Variants in ZDHHC18 observed in about 807,000 individuals in gnomAD.
The protein encoded by ZDHHC18 is zDHHC palmitoyltransferase 18.
In ZDHHC18, 23 loss-of-function variants were observed where a neutral mutation model predicts 37.5. The observed-to-expected ratio is 0.61, with a 90% CI of 0.44 to 0.87. The LOEUF is 0.87. Among genes scored for constraint, ZDHHC18 ranks in the 40% least tolerant of loss-of-function variants. ZDHHC18 has a pLI of 0.00. For missense variants in ZDHHC18, 406 were observed against 525.6 expected (o/e 0.77, Z 2.22); for synonymous variants, 185 against 218.7 (o/e 0.85, Z 1.36).
Position 26,851,185 on chromosome 1 carries a change from G to A in ZDHHC18, c.890G>A (p.Gly297Glu). ...ATCTGGTCCATTCTGGGCCTCTCAGGGTTTCACACGTACCTCGTCGCCTCC... is the reference window on the plus strand; with the variant it reads ...ATCTGGTCCATTCTGGGCCTCTCAGAGTTTCACACGTACCTCGTCGCCTCC... ...FSIWSILGLS[G>E]FHTYLVASNL... The change falls in exon 6 of 8, where the codon GGG becomes GAG. Residue 297 changes from glycine to glutamate, a missense_variant. Transcript: ENST00000374142. 1 of 1,614,182 alleles carries A rather than the reference G, an allele frequency of 6.2e-7. No individual in the cohort carries two copies. The highest frequency in any genetic ancestry group is 8.5e-7 in the Non-Finnish European group (1 of 1,180,028).
chr1:26,846,613 G>A (rs1219657761), intron 2 of ZDHHC18, among the ~76,000 whole-genome samples: 2 of 151,012 alleles, frequency 1.3e-5, no homozygotes, highest in Admixed American at 6.6e-5. Context: ...GAGCCACCAT[G>A]CCCAGCCTTA....
chr1:26,853,787 G>T lies in ZDHHC18; in HGVS notation c.1111G>T (p.Asp371Tyr). 6.2e-7 allele frequency: 1 copy of T among 1,614,062 alleles called. No homozygotes were observed. The highest frequency in any genetic ancestry group is 8.5e-7 in the Non-Finnish European group (1 of 1,180,022). Residue 371 changes from aspartate (D) to tyrosine (Y), a missense_variant, in exon 8 of 8, where the codon GAT becomes TAT. Transcript: ENST00000374142. ...DTVLPSPIRS[D>Y]EPACRAKPDA... is the part of the protein sequence containing the mutation. ...CGTGTTGCCCTCACCCATCAGAAGC[G>T]ATGAGCCAGCCTGCAGAGCCAAGCC...
intron 6 of ZDHHC18, among the ~76,000 whole-genome samples, chr1:26,852,397 C>T (rs1038403824): frequency 6.6e-5 from 10 of 152,216 alleles, no homozygotes; most frequent in African/African-American, 2.4e-4. Flanking sequence ...GGTGATCTGT[C>T]CAGGTAACGT....
intron 1 of ZDHHC18, among the ~76,000 whole-genome samples, chr1:26,828,432 T>C (rs2081569030): frequency 6.6e-6 from 1 of 152,006 alleles, no homozygotes; most frequent in Non-Finnish European, 1.5e-5. Flanking sequence ...CGTAAGGTTG[T>C]CCTGAGGGTG....
In ZDHHC18 at chr1:26,826,705, G is replaced by C. The variant is rs999056959; in HGVS notation, c.-100G>C. On this transcript the variant is annotated 5_prime_UTR_variant, in exon 1 of 8. Coordinates refer to ENST00000374142, the MANE Select transcript of ZDHHC18 (RefSeq NM_032283.3). This position sits in a 1 kb window ranked among gnomAD's most constrained non-coding sequence, Gnocchi z 5.2. ...GCCGCCCCAGTGAGTGAGCGAGCGA[G>C]CGCCGCGCGCGCCGCCGCTGCCACC... 2.1e-6 allele frequency: 1 copy of C among 483,098 alleles called. No individual in the cohort carries two copies. Among genetic ancestry groups the C allele is most frequent in the Admixed American group, 6.6e-5 (1 of 15,122 alleles). 29.9% of individuals were successfully genotyped at this position (483,098 alleles called of 1,614,324 possible). A position where few individuals can be genotyped will look rare whatever the true frequency, so the allele number is the denominator to read the frequency against.
intron 1 of ZDHHC18, chr1:26,832,203 T>C: frequency 1.9e-6 from 1 of 515,186 alleles, no homozygotes; most frequent in Non-Finnish European, 3.5e-6. Context: ...TGGGATCTAT[T>C]GGACACATCT....
chr1:26,834,405 T>C (rs1038537745), intron 2 of ZDHHC18, among the ~76,000 whole-genome samples: 1 of 151,874 alleles, frequency 6.6e-6, no homozygotes, highest in African/African-American at 2.4e-5. Context: ...AGAGACAGAG[T>C]GTGTGCCTTT....
In ZDHHC18 at chr1:26,853,863, A is replaced by C. The variant is rs1570677674; in HGVS notation, c.*20A>C. 1.9e-6 allele frequency: 3 copies of C among 1,608,766 alleles called. No homozygotes were observed. The highest frequency in any genetic ancestry group is 2.5e-6 in the Non-Finnish European group (3 of 1,177,022). On this transcript the variant is annotated 3_prime_UTR_variant, in exon 8 of 8. Coordinates refer to ENST00000374142, the MANE Select transcript of ZDHHC18 (RefSeq NM_032283.3). ...CCCTGACCACGGCTCAGTACTTGCC[A>C]CCTGCTGGCCTGTCTGACCCTCCGC...
Position 26,854,459 on chromosome 1 carries a change from A to C in ZDHHC18, c.*616A>C, listed in dbSNP as rs1284316546. 6.5e-6 allele frequency: 1 copy of C among 152,682 alleles called. No homozygotes were observed. Among genetic ancestry groups the C allele is most frequent in the African/African-American group, 2.4e-5 (1 of 41,382 alleles). The allele number at this position is 152,682 out of a possible 1,614,324, so 9.5% of individuals were successfully genotyped here. ...TGGGTGGGGGCAGCCTGTATCAGAC[A>C]AAGGTAAATCAGCCAGCCAGGCACC... On this transcript the variant is annotated 3_prime_UTR_variant, in exon 8 of 8. Transcript: ENST00000374142. This position sits in a 1 kb window ranked among gnomAD's most constrained non-coding sequence, Gnocchi z 4.6.
At chr1:26,851,311 A>G (rs1436078453) in intron 6 of ZDHHC18, 80 bp downstream of exon 6, 6 of 1,363,402 alleles carry the variant, frequency 4.4e-6, no homozygotes, top group Non-Finnish European at 6.3e-6. Flanking sequence ...TGGGGCAGCC[A>G]AGCACAGTCC....
intron 2 of ZDHHC18, among the ~76,000 whole-genome samples, chr1:26,846,290 G>GTGTGTA (rs1176068068): frequency 6.3e-5 from 3 of 47,858 alleles, no homozygotes; most frequent in Non-Finnish European, 1.0e-4. Context: ...GTGTGTGTGT[G>GTGTGTA]TATATATATA....
rs1379985740 is a variant in ZDHHC18, at chr1:26,853,826, G to C, written c.1150G>C (p.Val384Leu). The change falls in exon 8 of 8, where the codon GTA (valine) becomes CTA (leucine). Residue 384 changes from valine to leucine, a missense_variant. By Grantham distance (32) the Val-to-Leu change is conservative. Transcript: ENST00000374142. ...ACRAKPDASM[V>L]GGHP The stretch of plus-strand genomic sequence containing the variant: ...CAGAGCCAAGCCTGATGCCAGCATG[G>C]TAGGAGGCCACCCCTGACCACGGCT... The C allele has an allele frequency of 6.2e-7, 1 of 1,613,672 alleles. No homozygotes were observed. Among genetic ancestry groups the C allele is most frequent in the African/African-American group, 1.3e-5 (1 of 74,912 alleles).
chr1:26,850,281 C>G lies in ZDHHC18; in HGVS notation c.647-20C>G. The stretch of plus-strand genomic sequence containing the variant: ...TGCAGGCCAGCCCACACTAACCCAT[C>G]GCCCCTTGCCCTTGTCCAGAACGAT... On this transcript the variant is annotated intron_variant, in intron 3 of 7. Transcript: ENST00000374142. The surrounding 1 kb of genome is among the most constrained non-coding windows in gnomAD (Gnocchi z 6.1). 6.2e-7 allele frequency: 1 copy of G among 1,612,770 alleles called. No homozygotes were observed. Among genetic ancestry groups the G allele is most frequent in the Non-Finnish European group, 8.5e-7 (1 of 1,179,464 alleles).
At position 26,848,601 on chromosome 1, in the gene ZDHHC18, C is replaced by G. The variant is rs1407904975; in HGVS notation, c.497-7C>G. On this transcript the variant is annotated splice_region_variant and splice_polypyrimidine_tract_variant and intron_variant, in intron 2 of 7. Coordinates refer to ENST00000374142, the MANE Select transcript of ZDHHC18 (RefSeq NM_032283.3). ...CATTCCCCATCTTTCTCTCCTCCTTCCCTCAGACAACACAGGCAGTTCTAC... is the reference window on the plus strand; with the variant it reads ...CATTCCCCATCTTTCTCTCCTCCTTGCCTCAGACAACACAGGCAGTTCTAC... 1 of 1,607,632 alleles carries G rather than the reference C, an allele frequency of 6.2e-7. No individual in the cohort carries two copies. Among genetic ancestry groups the G allele is most frequent in the Admixed American group, 1.7e-5 (1 of 59,910 alleles).
chr1:26,828,772 C>G (rs1386864413), intron 1 of ZDHHC18, among the ~76,000 whole-genome samples: 1 of 151,748 alleles, frequency 6.6e-6, no homozygotes, highest in Non-Finnish European at 1.5e-5. Context: ...GGGCCCAGAG[C>G]TCAGCTCTGG....
chr1:26,850,698 A>G lies in ZDHHC18; in HGVS notation c.833+92A>G. Reference sequence around the variant, plus strand: ...CCTCATCCTCTAATCAGAAGGGAACAGCGTACAGCTCACATGTGTCCTCCA... The same window carrying G: ...CCTCATCCTCTAATCAGAAGGGAACGGCGTACAGCTCACATGTGTCCTCCA... On this transcript the variant is annotated intron_variant, in intron 5 of 7. Coordinates refer to ENST00000374142, the MANE Select transcript of ZDHHC18 (RefSeq NM_032283.3). This position sits in a 1 kb window ranked among gnomAD's most constrained non-coding sequence, Gnocchi z 6.1. 3 of 1,409,610 alleles carry G rather than the reference A, an allele frequency of 2.1e-6. No individual in the cohort carries two copies. Among genetic ancestry groups the G allele is most frequent in the Non-Finnish European group, 3.0e-6 (3 of 1,009,636 alleles). The allele number at this position is 1,409,610 out of a possible 1,614,324, so 87.3% of individuals were successfully genotyped here.
At chr1:26,834,472 A>C (rs1229726166) in intron 2 of ZDHHC18, among the ~76,000 whole-genome samples, 1 of 152,128 alleles carries the variant, frequency 6.6e-6, no homozygotes, top group Non-Finnish European at 1.5e-5. Context: ...CATCTCCTTC[A>C]TCCTCTTCTC....
At chr1:26,841,946 C>T (rs773758384) in intron 2 of ZDHHC18, among the ~76,000 whole-genome samples, 2 of 151,958 alleles carry the variant, frequency 1.3e-5, no homozygotes, top group East Asian at 1.9e-4. Flanking sequence ...CCAGCCTGGC[C>T]AACATAGTGA....
In ZDHHC18 at chr1:26,850,248, G is replaced by C; in HGVS notation, c.647-53G>C. The C allele has an allele frequency of 6.3e-7, 1 of 1,595,156 alleles. No homozygotes were observed. The highest frequency in any genetic ancestry group is 1.1e-5 in the South Asian group (1 of 89,470). ...CCATGGGTGAGGCCGCCAAATGCCT[G>C]TGCTGGCTGCAGGCCAGCCCACACT... On this transcript the variant is annotated intron_variant, in intron 3 of 7. Coordinates refer to ENST00000374142, the MANE Select transcript of ZDHHC18 (RefSeq NM_032283.3). This position sits in a 1 kb window ranked among gnomAD's most constrained non-coding sequence, Gnocchi z 6.1.
Sources: gnomAD v4.1 joint callset for allele counts (sites outside exome capture counted in the v4.1 genomes callset) on GRCh38, gnomAD v4.1.1 for gene constraint, Gnocchi (gnomAD v3.1) non-coding constraint, MANE v1.5 for transcripts, NCBI Gene and HGNC (gene_info 2026-07-23, HGNC 2026-07-21) for gene names.